ARPC3: variants seen among roughly 807,000 people sequenced by gnomAD.
ARPC3 encodes the protein actin-related protein 2/3 complex subunit 3.
A neutral mutation model predicts 27.6 loss-of-function variants in ARPC3; 12 were observed. That is an observed-to-expected ratio of 0.43 (90% confidence interval 0.28 to 0.70). The LOEUF (loss-of-function observed/expected upper bound fraction) is 0.70, where lower values mean the gene tolerates loss of function less well. Among genes scored for constraint, ARPC3 ranks in the 30% least tolerant of loss-of-function variants. The probability of loss-of-function intolerance (pLI) is 0.17; values close to 1 mark genes in which losing one functional copy is unlikely to be tolerated. For synonymous variants in ARPC3, 53 were observed against 67.2 expected (o/e 0.79, Z 1.03); for missense variants, 153 against 207.7 (o/e 0.74, Z 1.62).
intron 2 of ARPC3, among the ~76,000 whole-genome samples, chr12:110,443,686 G>C (rs548850374): frequency 6.6e-6 from 1 of 151,712 alleles, no homozygotes; most frequent in East Asian, 2.0e-4. Flanking sequence ...GCCCGCCTCA[G>C]CCTCCCAAAG....
At position 110,436,872 on chromosome 12, in the gene ARPC3, C is replaced by G. The variant is rs1316661855; in HGVS notation, c.253-189G>C. 13 of 659,170 alleles carry G rather than the reference C, an allele frequency of 2.0e-5. No homozygotes were observed. In the Admixed American group the frequency reaches 3.7e-4, roughly 19 times the overall value. The allele number at this position is 659,170 out of a possible 1,614,324, so 40.8% of individuals were successfully genotyped here. A position where few individuals can be genotyped will look rare whatever the true frequency, so the allele number is the denominator to read the frequency against. ...CTGTCTTGAGAAAATATATTCAAAG[C>G]CTTAAAACACCACTACTTTTATCTT... On this transcript the variant is annotated intron_variant, in intron 4 of 6. Transcript: ENST00000228825.
chr12:110,448,944 T>A (rs1261411304), intron 1 of ARPC3, among the ~76,000 whole-genome samples: 3 of 151,502 alleles, frequency 2.0e-5, no homozygotes, highest in Non-Finnish European at 2.9e-5. Context: ...CCTGGCTAAT[T>A]TTTGTATTTT....
intron 1 of ARPC3, among the ~76,000 whole-genome samples, chr12:110,447,681 G>A (rs1257008066): frequency 2.0e-5 from 3 of 152,094 alleles, no homozygotes; most frequent in Non-Finnish European, 4.4e-5. Flanking sequence ...GCTGAGGCAT[G>A]AGAATCGCTT....
intron 4 of ARPC3, 24 bp from the exon 5 acceptor site, chr12:110,436,707 TATATACACACAC>T (rs772169520): frequency 0.011 from 8,626 of 817,830 alleles, 35 homozygotes; most frequent in Non-Finnish European, 0.012. Context: ...TATATATATA[TATATACACACAC>T]ACACACACAC....
intron 5 of ARPC3, 26 bp downstream of exon 5, chr12:110,436,531 G>C (rs758555613): frequency 5.0e-6 from 8 of 1,613,722 alleles, no homozygotes; most frequent in Non-Finnish European, 6.8e-6. Context: ...TTGTGTCACA[G>C]AGTGAGGATA....
At chr12:110,438,182 G>A (rs766302494) in intron 3 of ARPC3, among the ~76,000 whole-genome samples, 1 of 151,872 alleles carries the variant, frequency 6.6e-6, no homozygotes, top group Admixed American at 6.6e-5. Context: ...TGTAATCCCA[G>A]CTGCTAGGGA....
intron 5 of ARPC3, 67 bp downstream of exon 5, chr12:110,436,490 G>A: frequency 1.3e-6 from 2 of 1,598,666 alleles, no homozygotes; most frequent in Admixed American, 3.3e-5. Context: ...GAAAAAGAGG[G>A]GTGGTAGGAA....
chr12:110,436,268 C>G lies in ARPC3; in HGVS notation c.380-64G>C, dbSNP rs76226633. 9.0e-3 allele frequency: 11,756 copies of G among 1,299,664 alleles called. 62 individuals carry two copies. Among genetic ancestry groups the G allele is most frequent in the Non-Finnish European group, 0.01 (9,336 of 896,966 alleles). 80.5% of individuals were successfully genotyped at this position (1,299,664 alleles called of 1,614,324 possible). A position where few individuals can be genotyped will look rare whatever the true frequency, so the allele number is the denominator to read the frequency against. On this transcript the variant is annotated intron_variant, in intron 5 of 6. Transcript: ENST00000228825. Reference sequence around the variant, plus strand: ...TACATCCCAAATGTACTGGTTGCAGCTCTGGATGCTCACTGTGGTAATACA... The same window carrying G: ...TACATCCCAAATGTACTGGTTGCAGGTCTGGATGCTCACTGTGGTAATACA...
In ARPC3 at chr12:110,450,322, G is replaced by A. The variant is rs1274876940; in HGVS notation, c.-62C>T. On this transcript the variant is annotated 5_prime_UTR_variant, in exon 1 of 7. Transcript: ENST00000228825. ...ATCCAGGTACAGCGGAGCGCTTCCG[G>A]TCTGGCAGCCTGGGCGAGGTAGGCG... The A allele has an allele frequency of 1.2e-6, 2 of 1,611,652 alleles. No individual in the cohort carries two copies. Among genetic ancestry groups the A allele is most frequent in the Admixed American group, 3.3e-5 (2 of 59,780 alleles).
Position 110,444,493 on chromosome 12 carries a change from C to T in ARPC3, c.106+959G>A, listed in dbSNP as rs146831268. Among the ~76,000 whole-genome samples the T allele has an allele frequency of 6.9e-3, 1,046 of 152,122 alleles. 1 individual carries two copies. Among genetic ancestry groups the T allele is most frequent in the Non-Finnish European group, 9.4e-3 (639 of 68,002 alleles). Reference sequence around the variant, plus strand: ...AGAGTTGGGGTTTCGCCATGTTTGCCAGGCTGGTCTCGAACTCCTGACCTT... The same window carrying T: ...AGAGTTGGGGTTTCGCCATGTTTGCTAGGCTGGTCTCGAACTCCTGACCTT... On this transcript the variant is annotated intron_variant, in intron 2 of 6. Transcript: ENST00000228825.
At chr12:110,439,843 C>T (rs1187344893) in intron 3 of ARPC3, among the ~76,000 whole-genome samples, 2 of 152,090 alleles carry the variant, frequency 1.3e-5, no homozygotes, top group Non-Finnish European at 2.9e-5. Flanking sequence ...CAAAACAAAA[C>T]AAAAGGCTGG....
intron 6 of ARPC3, 81 bp from the exon 7 acceptor site, chr12:110,435,298 C>A: frequency 3.1e-5 from 31 of 1,011,332 alleles, no homozygotes; most frequent in Non-Finnish European, 3.8e-5. Flanking sequence ...TAAAATTTCA[C>A]ATTAGTCTGG....
intron 1 of ARPC3, among the ~76,000 whole-genome samples, chr12:110,447,674 G>A (rs1258897923): frequency 6.6e-6 from 1 of 152,076 alleles, no homozygotes; most frequent in Non-Finnish European, 1.5e-5. Context: ...TTGGGAGGCT[G>A]AGGCATGAGA....
chr12:110,443,354 G>A (rs1224761062), intron 2 of ARPC3, among the ~76,000 whole-genome samples: 2 of 152,026 alleles, frequency 1.3e-5, no homozygotes, highest in African/African-American at 2.4e-5. Context: ...TCCTGACCTC[G>A]TGATCCACCC....
At position 110,441,796 on chromosome 12, in the gene ARPC3, C is replaced by T. The variant is rs778593217; in HGVS notation, c.107-1408G>A. Among the ~76,000 whole-genome samples the T allele has an allele frequency of 3.3e-5, 5 of 151,302 alleles. 1 individual carries two copies. The highest frequency in any genetic ancestry group is 1.3e-4 in the Admixed American group (2 of 15,136). On this transcript the variant is annotated intron_variant, in intron 2 of 6. Coordinates refer to ENST00000228825, the MANE Select transcript of ARPC3 (RefSeq NM_001278556.2). ...CTGTAATCCCAACACTTTGGGAGGC[C>T]GAGACGGGTGGATCACCTGAGGTCA...
chr12:110,437,403 T>C (rs1481083212), intron 3 of ARPC3: 11 of 415,100 alleles, frequency 2.6e-5, no homozygotes, highest in Admixed American at 1.1e-4. Flanking sequence ...AGTCTTGCTC[T>C]GTTGCCCAGG....
intron 2 of ARPC3, 47 bp downstream of exon 2, chr12:110,445,405 G>C (rs773600754): frequency 7.4e-7 from 1 of 1,351,440 alleles, no homozygotes; most frequent in South Asian, 1.2e-5. Flanking sequence ...TCAGAAGATT[G>C]TTAGGCATTT....
chr12:110,435,719 G>A (rs960989321), intron 6 of ARPC3, among the ~76,000 whole-genome samples: 9 of 152,016 alleles, frequency 5.9e-5, no homozygotes, highest in Non-Finnish European at 1.3e-4. Context: ...CACTTCCTGG[G>A]TTCAAGCGAC....
intron 1 of ARPC3, 28 bp from the exon 2 acceptor site, chr12:110,445,579 A>C (rs1359855344): frequency 6.6e-7 from 1 of 1,520,112 alleles, no homozygotes; most frequent in Non-Finnish European, 9.1e-7. Context: ...GGAAGAACAC[A>C]GAAGCAGAAA....
Sources: gnomAD v4.1 joint callset for allele counts (sites outside exome capture counted in the v4.1 genomes callset) on GRCh38, gnomAD v4.1.1 for gene constraint, MANE v1.5 for transcripts, NCBI Gene and HGNC (gene_info 2026-07-23, HGNC 2026-07-21) for gene names.